The following PXDNL variants were observed in gnomAD, a reference collection of about 807,000 sequenced individuals.
PXDNL encodes the protein probable oxidoreductase PXDNL.
In PXDNL, 145 loss-of-function variants were observed where a neutral mutation model predicts 150.8. The observed-to-expected ratio is 0.96, with a 90% CI of 0.84 to 1.10. The LOEUF (loss-of-function observed/expected upper bound fraction) is 1.10. Among genes scored for constraint, PXDNL ranks in the 50% least tolerant of loss-of-function variants. PXDNL has a pLI of 0.00. For missense variants in PXDNL, 2,087 were observed against 1,873.9 expected, an observed-to-expected ratio of 1.11 and a Z score of -2.10; for synonymous variants, 757 against 725.7, an observed-to-expected ratio of 1.04 and a Z score of -0.69.
At chr8:51,458,215 G>A (rs1298592625) in intron 8 of PXDNL, among the ~76,000 whole-genome samples, 3 of 152,168 alleles carry the variant, frequency 2.0e-5, no homozygotes, top group Admixed American at 1.3e-4. Context: ...CTTCTCTGAG[G>A]TGCACCATTT....
At chr8:51,729,333 T>C (rs1332085385) in intron 1 of PXDNL, among the ~76,000 whole-genome samples, 1 of 141,186 alleles carries the variant, frequency 7.1e-6, no homozygotes, top group Admixed American at 7.1e-5. Flanking sequence ...AAACAAAAAA[T>C]GGGTAAAAGC....
chr8:51,519,769 A>G (rs1163550732), intron 4 of PXDNL, among the ~76,000 whole-genome samples: 2 of 152,240 alleles, frequency 1.3e-5, no homozygotes, highest in East Asian at 1.9e-4. Context: ...ATAATGAGAG[A>G]TTGGGGCATC....
intron 13 of PXDNL, among the ~76,000 whole-genome samples, chr8:51,425,600 G>A (rs773488308): frequency 4.6e-5 from 7 of 152,138 alleles, no homozygotes; most frequent in South Asian, 4.2e-4. Flanking sequence ...TTGGGAGGCC[G>A]AGGCAGGAGG....
chr8:51,598,618 G>A (rs1161323226), intron 2 of PXDNL, among the ~76,000 whole-genome samples: 1 of 152,012 alleles, frequency 6.6e-6, no homozygotes, highest in Non-Finnish European at 1.5e-5. Context: ...CTAATTTTTT[G>A]ATGTGCTGCT....
At chr8:51,786,919 T>A (rs1251523629) in intron 1 of PXDNL, among the ~76,000 whole-genome samples, 2 of 152,326 alleles carry the variant, frequency 1.3e-5, no homozygotes, top group East Asian at 3.9e-4. Flanking sequence ...ATGCAGTTGA[T>A]GAATTTAAGT....
At chr8:51,742,748 T>C (rs2036921136) in intron 1 of PXDNL, among the ~76,000 whole-genome samples, 1 of 152,120 alleles carries the variant, frequency 6.6e-6, no homozygotes, top group South Asian at 2.1e-4. Flanking sequence ...ACAAATTTCA[T>C]GGACAGTGAC....
chr8:51,776,953 C>G (rs2037360417), intron 1 of PXDNL, among the ~76,000 whole-genome samples: 1 of 152,176 alleles, frequency 6.6e-6, no homozygotes, highest in Non-Finnish European at 1.5e-5. Context: ...CAGATGGCCC[C>G]TCTACACCTT....
chr8:51,704,019 T>C (rs956839973), intron 1 of PXDNL, among the ~76,000 whole-genome samples: 1 of 152,226 alleles, frequency 6.6e-6, no homozygotes, highest in African/African-American at 2.4e-5. Flanking sequence ...CAAATATGCA[T>C]GTACTCATGG....
intron 21 of PXDNL, among the ~76,000 whole-genome samples, chr8:51,333,764 A>T (rs1805760533): frequency 6.6e-6 from 1 of 152,240 alleles, no homozygotes; most frequent in African/African-American, 2.4e-5. Context: ...CAACAGGACA[A>T]TATCACAATC....
At chr8:51,541,253 TAAA>T (rs5891421) in intron 4 of PXDNL, among the ~76,000 whole-genome samples, 2 of 127,214 alleles carry the variant, frequency 1.6e-5, no homozygotes, top group Non-Finnish European at 1.7e-5. Context: ...TGAGACTCCA[TAAA>T]AAAAAAAAAA....
chr8:51,390,910 A>C (rs2130837028), intron 17 of PXDNL, among the ~76,000 whole-genome samples: 1 of 151,840 alleles, frequency 6.6e-6, no homozygotes, highest in South Asian at 2.1e-4. Context: ...CCGACCCCAC[A>C]ACAGTCCCCA....
At chr8:51,534,140 T>C (rs1201086660) in intron 4 of PXDNL, among the ~76,000 whole-genome samples, 1 of 135,950 alleles carries the variant, frequency 7.4e-6, no homozygotes, top group Non-Finnish European at 1.5e-5. Flanking sequence ...CCCGCCGCCC[T>C]GTCTGGGATG....
intron 9 of PXDNL, among the ~76,000 whole-genome samples, chr8:51,456,292 T>C (rs1283842299): frequency 6.6e-6 from 1 of 152,230 alleles, no homozygotes. Flanking sequence ...TCTCCATCTC[T>C]TGAATGTGCC....
chr8:51,607,827 G>A (rs1813869777), intron 2 of PXDNL, among the ~76,000 whole-genome samples: 1 of 121,508 alleles, frequency 8.2e-6, no homozygotes, highest in Non-Finnish European at 1.6e-5. Context: ...GCAACAGAGT[G>A]AGACTCCATC....
In PXDNL at chr8:51,453,656, A is replaced by G. The variant is rs1809860741; in HGVS notation, c.1112T>C (p.Leu371Pro). Residue 371 changes from leucine to proline, a missense_variant, in exon 10 of 23, where the codon CTG becomes CCG. Coordinates refer to ENST00000356297, the MANE Select transcript of PXDNL (RefSeq NM_144651.5). ...ITWTRDNGLE[L>P]DGSRHVATSS... The stretch of plus-strand genomic sequence containing the variant: ...CGTTGCCACGTGCCTGGATCCATCC[A>G]GCTCCAATCCATTGTCCCTGGTCCA... The G allele has an allele frequency of 6.2e-7, 1 of 1,614,028 alleles. No individual in the cohort carries two copies. The highest frequency in any genetic ancestry group is 1.7e-5 in the Admixed American group (1 of 60,034).
intron 1 of PXDNL, chr8:51,722,196 G>A (rs1372039088): frequency 2.6e-5 from 4 of 154,956 alleles, no homozygotes; most frequent in Admixed American, 6.5e-5. Flanking sequence ...TAGCAAGAGG[G>A]ACTAGTGAAA....
chr8:51,497,426 T>C (rs916596436), intron 5 of PXDNL, among the ~76,000 whole-genome samples: 8 of 152,022 alleles, frequency 5.3e-5, no homozygotes, highest in Admixed American at 3.3e-4. Flanking sequence ...AATCCAAAAT[T>C]GACAAACAGG....
chr8:51,347,962 C>T (rs1387273377), intron 19 of PXDNL, among the ~76,000 whole-genome samples: 2 of 152,016 alleles, frequency 1.3e-5, no homozygotes, highest in African/African-American at 2.4e-5. Flanking sequence ...GAACTTCAAT[C>T]GTAAAATGAA....
At chr8:51,725,537 G>T (rs866858786) in intron 1 of PXDNL, among the ~76,000 whole-genome samples, 22 of 152,244 alleles carry the variant, frequency 1.4e-4, no homozygotes, top group Admixed American at 4.6e-4. Flanking sequence ...CACATTCAGG[G>T]TCAGAGTGTT....
Sources: gnomAD v4.1 joint callset for allele counts (sites outside exome capture counted in the v4.1 genomes callset) on GRCh38, gnomAD v4.1.1 for gene constraint, MANE v1.5 for transcripts, NCBI Gene and HGNC (gene_info 2026-07-23, HGNC 2026-07-21) for gene names.